HAO1: variants seen among roughly 807,000 people sequenced by gnomAD.
HAO1 encodes the protein 2-Hydroxyacid oxidase 1.
A neutral mutation model predicts 39.7 loss-of-function variants in HAO1; 34 were observed. The observed-to-expected ratio is 0.86, with a 90% confidence interval of 0.65 to 1.14. HAO1 has a LOEUF of 1.14. Among genes scored for constraint, HAO1 ranks in the 50% most tolerant of loss-of-function variants. HAO1 has a pLI of 0.00. For synonymous variants in HAO1, 172 were observed against 173.2 expected, an observed-to-expected ratio of 0.99 and a Z score of 0.05; for missense variants, 479 against 464.5, an observed-to-expected ratio of 1.03 and a Z score of -0.29.
At chr20:7,920,116 G>A (rs367653553) in intron 2 of HAO1, among the ~76,000 whole-genome samples, 6 of 152,074 alleles carry the variant, frequency 3.9e-5, no homozygotes, top group African/African-American at 9.7e-5. Context: ...GAGGGAAAGA[G>A]GTGATTGGAT....
intron 4 of HAO1, 60 bp downstream of exon 4, chr20:7,906,094 T>C (rs2050246263): frequency 8.9e-7 from 1 of 1,122,852 alleles, no homozygotes; most frequent in South Asian, 1.3e-5. Flanking sequence ...AAGAATATTA[T>C]GAACGTATCC....
intron 4 of HAO1, among the ~76,000 whole-genome samples, chr20:7,901,971 A>AGATGTGGAG (rs1462831940): frequency 1.5e-4 from 23 of 152,224 alleles, no homozygotes; most frequent in Admixed American, 1.3e-3. Context: ...TAACCGAATT[A>AGATGTGGAG]GATGTGGAGC....
chr20:7,893,652 G>A (rs534392139), intron 5 of HAO1, among the ~76,000 whole-genome samples: 80 of 152,206 alleles, frequency 5.3e-4, no homozygotes, highest in African/African-American at 1.9e-3. Flanking sequence ...CAGAGCAAGA[G>A]GACAATTCGA....
chr20:7,921,457 A>G (rs898643520), intron 2 of HAO1, among the ~76,000 whole-genome samples: 2 of 152,132 alleles, frequency 1.3e-5, no homozygotes, highest in Admixed American at 6.6e-5. Flanking sequence ...AAAAAATACT[A>G]TGTTGGTGAG....
intron 2 of HAO1, among the ~76,000 whole-genome samples, chr20:7,917,236 C>T (rs943970077): frequency 2.0e-5 from 3 of 150,508 alleles, no homozygotes; most frequent in Admixed American, 1.3e-4. Context: ...GCTACTCAGG[C>T]GACTGAAGCA....
intron 2 of HAO1, among the ~76,000 whole-genome samples, chr20:7,925,436 G>A (rs2050354737): frequency 6.6e-6 from 1 of 152,054 alleles, no homozygotes; most frequent in African/African-American, 2.4e-5. Flanking sequence ...ATTAGTCTCA[G>A]GGACATCTTA....
chr20:7,936,761 A>G (rs2050414367), intron 1 of HAO1, among the ~76,000 whole-genome samples: 1 of 152,082 alleles, frequency 6.6e-6, no homozygotes, highest in African/African-American at 2.4e-5. Context: ...ACCAATGCAC[A>G]AAACGTAATT....
intron 7 of HAO1, among the ~76,000 whole-genome samples, chr20:7,884,932 A>T (rs1361452803): frequency 6.6e-6 from 1 of 152,164 alleles, no homozygotes; most frequent in Non-Finnish European, 1.5e-5. Flanking sequence ...TGTCCATGGG[A>T]TGAGAGACAA....
intron 1 of HAO1, among the ~76,000 whole-genome samples, chr20:7,938,664 C>G (rs1243473015): frequency 6.6e-6 from 1 of 152,108 alleles, no homozygotes; most frequent in Non-Finnish European, 1.5e-5. Context: ...TGCATCCTCT[C>G]TGAGACCTCC....
chr20:7,915,576 G>A (rs894304324), intron 2 of HAO1, among the ~76,000 whole-genome samples: 8 of 152,076 alleles, frequency 5.3e-5, no homozygotes, highest in Admixed American at 5.2e-4. Flanking sequence ...ATGGATAGGT[G>A]TTTTAGAGAT....
chr20:7,890,257 A>C (rs969610979), intron 5 of HAO1, among the ~76,000 whole-genome samples: 22 of 152,038 alleles, frequency 1.4e-4, no homozygotes, highest in African/African-American at 5.1e-4. Context: ...CTTGTTGCCC[A>C]GGCTGGAGTA....
intron 4 of HAO1, among the ~76,000 whole-genome samples, chr20:7,896,290 C>A (rs1228949694): frequency 6.6e-6 from 1 of 152,112 alleles, no homozygotes; most frequent in African/African-American, 2.4e-5. Context: ...TCAGGTTTAA[C>A]ATTCAAAATG....
intron 2 of HAO1, among the ~76,000 whole-genome samples, chr20:7,926,247 A>G (rs1220423638): frequency 6.6e-6 from 1 of 152,192 alleles, no homozygotes; most frequent in East Asian, 1.9e-4. Flanking sequence ...ACTGTCAAAC[A>G]GAATGAGAAT....
intron 5 of HAO1, among the ~76,000 whole-genome samples, chr20:7,887,032 T>A (rs916331237): frequency 2.0e-5 from 3 of 152,170 alleles, no homozygotes; most frequent in African/African-American, 7.2e-5. Flanking sequence ...CAAGCCTAGA[T>A]CAGTAGACAC....
At chr20:7,911,139 A>G (rs956948648) in intron 3 of HAO1, among the ~76,000 whole-genome samples, 1 of 152,154 alleles carries the variant, frequency 6.6e-6, no homozygotes, top group Non-Finnish European at 1.5e-5. Context: ...TGAGGATGTG[A>G]GTGCTACGCA....
At chr20:7,900,432 C>T (rs764398047) in intron 4 of HAO1, among the ~76,000 whole-genome samples, 11 of 152,124 alleles carry the variant, frequency 7.2e-5, no homozygotes, top group African/African-American at 9.7e-5. Flanking sequence ...TGTATCAGCA[C>T]TATTTTTCTA....
chr20:7,931,685 A>G (rs1018293792), intron 2 of HAO1, among the ~76,000 whole-genome samples: 1 of 152,154 alleles, frequency 6.6e-6, no homozygotes, highest in African/African-American at 2.4e-5. Flanking sequence ...ATATCTTCTT[A>G]TGGTTACTTC....
At chr20:7,904,818 C>T (rs961190803) in intron 4 of HAO1, among the ~76,000 whole-genome samples, 10 of 152,092 alleles carry the variant, frequency 6.6e-5, no homozygotes, top group Admixed American at 6.5e-4. Flanking sequence ...AAATGAATGG[C>T]ACAGAACCTT....
At chr20:7,923,925 T>C (rs1319752244) in intron 2 of HAO1, among the ~76,000 whole-genome samples, 2 of 152,108 alleles carry the variant, frequency 1.3e-5, no homozygotes, top group Non-Finnish European at 2.9e-5. Flanking sequence ...TGGGGCTCAT[T>C]GAAAACGGGA....
Sources: allele counts gnomAD v4.1 joint callset (sites outside exome capture counted in the v4.1 genomes callset), GRCh38; gene constraint gnomAD v4.1.1; transcripts MANE v1.5; gene names NCBI Gene and HGNC (gene_info 2026-07-23, HGNC 2026-07-21).